Variants in BCHE observed in about 807,000 individuals in gnomAD.
The protein encoded by BCHE is butyrylcholinesterase.
Under a neutral mutation model 51.3 loss-of-function variants are expected in BCHE, and 48 were observed. The observed-to-expected ratio is 0.94, with a 90% confidence interval of 0.74 to 1.19. The LOEUF (loss-of-function observed/expected upper bound fraction) is 1.19. Among genes scored for constraint, BCHE ranks in the 50% most tolerant of loss-of-function variants. The pLI, the probability that BCHE is intolerant of heterozygous loss-of-function variation, is 0.00. For synonymous variants in BCHE, 251 were observed against 238.0 expected (o/e 1.05, Z -0.50); for missense variants, 847 against 708.2 (o/e 1.20, Z -2.23).
chr3:165,835,496 A>T (rs1327677739), intron 1 of BCHE, among the ~76,000 whole-genome samples: 1 of 151,870 alleles, frequency 6.6e-6, no homozygotes, highest in Non-Finnish European at 1.5e-5. Flanking sequence ...CCCTCTTAAA[A>T]TGGTAGAGAA....
intron 1 of BCHE, among the ~76,000 whole-genome samples, chr3:165,833,742 T>A (rs1483756389): frequency 1.3e-5 from 2 of 151,990 alleles, no homozygotes; most frequent in African/African-American, 4.8e-5. Flanking sequence ...TTCTCTTTAA[T>A]AAATGCAGGA....
Position 165,830,276 on chromosome 3 carries a change from C to G in BCHE, c.758G>C (p.Gly253Ala), listed in dbSNP as rs774909282. 11 of 1,613,902 alleles carry G rather than the reference C, an allele frequency of 6.8e-6. No individual in the cohort carries two copies. In the Admixed American group the frequency reaches 1.7e-4, roughly 24 times the overall value. ...TACCGCCCAAGGAGCATTAAAGGAT[C>G]CACTTTGCAGAATGGCTCTGGTGAA... ...SLFTRAILQS[G>A]SFNAPWAVTS... The change falls in exon 2 of 4, where the codon GGA becomes GCA. Residue 253 changes from glycine to alanine, a missense_variant. Transcript: ENST00000264381.
At chr3:165,789,146 A>G (rs1713073832) in intron 2 of BCHE, among the ~76,000 whole-genome samples, 2 of 152,182 alleles carry the variant, frequency 1.3e-5, no homozygotes, top group African/African-American at 2.4e-5. Flanking sequence ...AGTAATAACT[A>G]AAACTTTCCA....
At chr3:165,824,455 A>G (rs1015313778) in intron 2 of BCHE, among the ~76,000 whole-genome samples, 14 of 152,042 alleles carry the variant, frequency 9.2e-5, no homozygotes, top group Non-Finnish European at 1.9e-4. Flanking sequence ...AATATAGACA[A>G]TACCAAAATT....
intron 2 of BCHE, among the ~76,000 whole-genome samples, chr3:165,801,275 T>C (rs1713632756): frequency 6.6e-6 from 1 of 152,188 alleles, no homozygotes; most frequent in Non-Finnish European, 1.5e-5. Context: ...AAGGCGGATG[T>C]GCCATAATGA....
chr3:165,830,557 C>T lies in BCHE; in HGVS notation c.477G>A (p.Lys159=). ...TAACTCTTTCAACCCGAGCCAGAAA[C>T]TTGCCATCATAAACATGTAAAGATG... The part of the protein sequence containing the change: ...GTSSLHVYDG[K]FLARVERVIV... Residue 159 remains lysine, a synonymous_variant, in exon 2 of 4, where the codon AAG becomes AAA. Transcript: ENST00000264381. 6.2e-7 allele frequency: 1 copy of T among 1,613,998 alleles called. No homozygotes were observed. Among genetic ancestry groups the T allele is most frequent in the African/African-American group, 1.3e-5 (1 of 75,040 alleles).
In BCHE at chr3:165,820,637, A is replaced by G. The variant is rs565430413; in HGVS notation, c.1517+8880T>C. On this transcript the variant is annotated intron_variant, in intron 2 of 3. Coordinates refer to ENST00000264381, the MANE Select transcript of BCHE (RefSeq NM_000055.4). Reference sequence around the variant, plus strand: ...ATAATTGTAGAATCAGAGGGTAAGAATTTTTCTCTTCACTCTGGAAGCCAC... The same window carrying G: ...ATAATTGTAGAATCAGAGGGTAAGAGTTTTTCTCTTCACTCTGGAAGCCAC... Among the ~76,000 whole-genome samples, 22 of 152,068 alleles carry G rather than the reference A, an allele frequency of 1.4e-4. No homozygotes were observed. In the East Asian group the frequency reaches 4.3e-3, roughly 29 times the overall value.
chr3:165,819,212 G>A (rs1369813951), intron 2 of BCHE, among the ~76,000 whole-genome samples: 1 of 151,302 alleles, frequency 6.6e-6, no homozygotes, highest in East Asian at 2.0e-4. Context: ...CAGAGTTGCT[G>A]GGATTAAAAG....
At chr3:165,787,126 A>G (rs1712984893) in intron 2 of BCHE, among the ~76,000 whole-genome samples, 2 of 151,646 alleles carry the variant, frequency 1.3e-5, no homozygotes, top group Admixed American at 6.6e-5. Context: ...TTATCTTTTT[A>G]TGATATTTCC....
intron 2 of BCHE, among the ~76,000 whole-genome samples, chr3:165,797,179 TCCCTCCTTCGTTCTTCCCTC>T: frequency 6.3e-5 from 6 of 95,256 alleles, no homozygotes; most frequent in Non-Finnish European, 8.2e-5. Flanking sequence ...CTTCCTTCCT[TCCCTCCTTCGTTCTTCCCTC>T]CCTTCCTTCC....
intron 3 of BCHE, among the ~76,000 whole-genome samples, chr3:165,779,143 G>T (rs567587415): frequency 6.6e-6 from 1 of 152,074 alleles, no homozygotes; most frequent in Middle Eastern, 3.2e-3. Context: ...TACTACGGAT[G>T]CAAGTACATT....
intron 2 of BCHE, among the ~76,000 whole-genome samples, chr3:165,823,799 C>A (rs1413937337): frequency 6.6e-6 from 1 of 151,838 alleles, no homozygotes; most frequent in Non-Finnish European, 1.5e-5. Context: ...GTTCTGTCAC[C>A]CAGACTAGAG....
chr3:165,830,559 T>G lies in BCHE; in HGVS notation c.475A>C (p.Lys159Gln). The G allele has an allele frequency of 1.2e-6, 2 of 1,613,988 alleles. No individual in the cohort carries two copies. The highest frequency in any genetic ancestry group is 1.7e-6 in the Non-Finnish European group (2 of 1,179,944). ...GTSSLHVYDG[K>Q]FLARVERVIV... ...ACTCTTTCAACCCGAGCCAGAAACTTGCCATCATAAACATGTAAAGATGAT... is the reference window on the plus strand; with the variant it reads ...ACTCTTTCAACCCGAGCCAGAAACTGGCCATCATAAACATGTAAAGATGAT... The change falls in exon 2 of 4, where the codon AAG (lysine) becomes CAG (glutamine). Residue 159 changes from lysine to glutamine, a missense_variant. Physicochemically the swap from Lys to Gln is moderately conservative, Grantham distance 53. Coordinates refer to ENST00000264381, the MANE Select transcript of BCHE (RefSeq NM_000055.4).
At chr3:165,821,737 G>A (rs899506256) in intron 2 of BCHE, among the ~76,000 whole-genome samples, 2 of 151,668 alleles carry the variant, frequency 1.3e-5, no homozygotes, top group Admixed American at 6.6e-5. Context: ...TGCAATTTCT[G>A]ATTATTACAA....
intron 2 of BCHE, among the ~76,000 whole-genome samples, chr3:165,828,695 G>A (rs1461958871): frequency 6.6e-6 from 1 of 151,476 alleles, no homozygotes; most frequent in African/African-American, 2.4e-5. Flanking sequence ...TTACTCCCAT[G>A]TATAAAATGT....
At chr3:165,834,662 T>C (rs1000429388) in intron 1 of BCHE, among the ~76,000 whole-genome samples, 1 of 151,962 alleles carries the variant, frequency 6.6e-6, no homozygotes, top group Admixed American at 6.6e-5. Flanking sequence ...TTTTGATATG[T>C]TTATCATGTA....
Position 165,773,357 on chromosome 3 carries a change from G to A in BCHE, c.*25C>T. On this transcript the variant is annotated 3_prime_UTR_variant, in exon 4 of 4. Coordinates refer to ENST00000264381, the MANE Select transcript of BCHE (RefSeq NM_000055.4). Reference sequence around the variant, plus strand: ...TTTGCCTTGATCTAAAGGAAAATATGTTCTATAAAGGGTAAATCTATTAAT... The same window carrying A: ...TTTGCCTTGATCTAAAGGAAAATATATTCTATAAAGGGTAAATCTATTAAT... The A allele has an allele frequency of 1.2e-6, 2 of 1,601,600 alleles. No homozygotes were observed. Among genetic ancestry groups the A allele is most frequent in the Non-Finnish European group, 8.5e-7 (1 of 1,170,864 alleles).
intron 3 of BCHE, among the ~76,000 whole-genome samples, chr3:165,777,303 A>G (rs751623256): frequency 3.9e-5 from 6 of 151,938 alleles, no homozygotes; most frequent in Non-Finnish European, 8.8e-5. Context: ...AAACATATGT[A>G]ACCTTAGAGA....
chr3:165,776,232 A>C (rs1433239946), intron 3 of BCHE, among the ~76,000 whole-genome samples: 2 of 152,020 alleles, frequency 1.3e-5, no homozygotes, highest in African/African-American at 4.8e-5. Flanking sequence ...ATTATATTGT[A>C]GAACAGTCAT....
Sources: gnomAD v4.1 joint callset for allele counts (sites outside exome capture counted in the v4.1 genomes callset) on GRCh38, gnomAD v4.1.1 for gene constraint, MANE v1.5 for transcripts, NCBI Gene and HGNC (gene_info 2026-07-23, HGNC 2026-07-21) for gene names.